Variants in SLC18A1 observed in about 807,000 individuals in gnomAD.
SLC18A1 encodes the protein chromaffin granule amine transporter.
Under a neutral mutation model 53.7 loss-of-function variants are expected in SLC18A1, and 69 were observed. The observed-to-expected ratio is 1.28, with a 90% CI of 1.06 to 1.57. The LOEUF is 1.57. Among genes scored for constraint, SLC18A1 ranks in the 40% most tolerant of loss-of-function variants. SLC18A1 has a pLI of 0.00. For synonymous variants in SLC18A1, 320 were observed against 248.1 expected, an observed-to-expected ratio of 1.29 and a Z score of -2.72; for missense variants, 932 against 668.1, an observed-to-expected ratio of 1.40 and a Z score of -4.35.
intron 8 of SLC18A1, among the ~76,000 whole-genome samples, chr8:20,170,871 C>A (rs1361449554): frequency 6.6e-6 from 1 of 151,982 alleles, no homozygotes; most frequent in African/African-American, 2.4e-5. Flanking sequence ...TCTATGGCTT[C>A]TTTGATTATG....
chr8:20,163,125 G>T (rs901121593), intron 10 of SLC18A1, among the ~76,000 whole-genome samples: 9 of 152,138 alleles, frequency 5.9e-5, no homozygotes, highest in African/African-American at 1.9e-4. Context: ...TGGCCACCTG[G>T]GGAGTGCCTG....
chr8:20,153,477 A>T lies in SLC18A1; in HGVS notation c.1016-2733T>A, dbSNP rs558655438. 1.1e-4 allele frequency among the ~76,000 whole-genome samples: 16 copies of T among 152,246 alleles called. 1 individual carries two copies. The South Asian group carries it at 3.3e-3, about 32-fold the overall frequency. On this transcript the variant is annotated intron_variant, in intron 10 of 15. Transcript: ENST00000276373. ...TGGATCACAAGGTCAGGAGATCAAG[A>T]CCATCCTAGCTAACACAGTGAAACC...
chr8:20,174,235 C>G, intron 5 of SLC18A1, 126 bp downstream of exon 5: 1 of 758,006 alleles, frequency 1.3e-6, no homozygotes, highest in Non-Finnish European at 2.3e-6. Flanking sequence ...TTCTGAATCA[C>G]AATTTCTACC....
intron 10 of SLC18A1, among the ~76,000 whole-genome samples, chr8:20,164,074 C>T (rs1370817807): frequency 1.3e-5 from 2 of 152,200 alleles, no homozygotes; most frequent in East Asian, 3.9e-4. Flanking sequence ...AGAATTGCCC[C>T]CCCAAAATTA....
rs761834698 is a variant in SLC18A1 at position 20,182,886 on chromosome 8, GAAGT to G, written c.-124+173_-124+176del. ...TGGAAAATTAAAAAACATAGTGAGTGAAGTAAGTACTACAAAGAGAGAGAAACAC... is the reference window on the plus strand; with the variant it reads ...TGGAAAATTAAAAAACATAGTGAGTGAAGTACTACAAAGAGAGAGAAACAC... On this transcript the variant is annotated intron_variant, in intron 1 of 15. Transcript: ENST00000276373. 8.5e-5 allele frequency among the ~76,000 whole-genome samples: 13 copies of G among 152,324 alleles called. No homozygotes were observed. In the East Asian group the frequency reaches 1.9e-3, roughly 23 times the overall value.
chr8:20,181,112 G>A (rs1463172066), intron 1 of SLC18A1, 25 bp from the exon 2 acceptor site: 2 of 776,344 alleles, frequency 2.6e-6, no homozygotes, highest in Non-Finnish European at 3.9e-6. Flanking sequence ...AGTGCAAAGG[G>A]TTGCAAGTAG....
In SLC18A1 at chr8:20,147,495, C is replaced by T. The variant is rs370777864; in HGVS notation, c.1331-104G>A. ...GGGCAGTGGGTGACCCAGAGGATGT[C>T]TCAGCGTCAAAGATCTCCAGAACCC... On this transcript the variant is annotated intron_variant, in intron 14 of 15. Transcript: ENST00000276373. 112 of 1,577,260 alleles carry T rather than the reference C, an allele frequency of 7.1e-5. No individual in the cohort carries two copies. In the East Asian group the frequency reaches 2.4e-3, roughly 34 times the overall value.
intron 10 of SLC18A1, among the ~76,000 whole-genome samples, chr8:20,163,287 C>T (rs1038280602): frequency 1.3e-5 from 2 of 152,178 alleles, no homozygotes; most frequent in Non-Finnish European, 2.9e-5. Context: ...CCCATGATCT[C>T]ATCATCTCTC....
At chr8:20,151,453 G>A (rs1426412209) in intron 10 of SLC18A1, among the ~76,000 whole-genome samples, 3 of 152,182 alleles carry the variant, frequency 2.0e-5, no homozygotes, top group Non-Finnish European at 4.4e-5. Flanking sequence ...TTCCTGGGAA[G>A]TGAATTCCTG....
intron 10 of SLC18A1, among the ~76,000 whole-genome samples, chr8:20,161,455 A>G (rs1480413950): frequency 6.6e-6 from 1 of 152,252 alleles, no homozygotes; most frequent in African/African-American, 2.4e-5. Flanking sequence ...AGGTGTTACA[A>G]GTCATTGAGA....
chr8:20,154,712 G>T (rs2071639495), intron 10 of SLC18A1, among the ~76,000 whole-genome samples: 2 of 152,228 alleles, frequency 1.3e-5, no homozygotes, highest in South Asian at 4.1e-4. Context: ...GGGAAATTTG[G>T]TAAGATCAAG....
intron 10 of SLC18A1, among the ~76,000 whole-genome samples, chr8:20,157,016 A>G (rs1198481483): frequency 2.0e-5 from 3 of 152,180 alleles, no homozygotes. Context: ...TGTGGTCAAG[A>G]AAGGCGGGAA....
chr8:20,157,364 G>A (rs888234318), intron 10 of SLC18A1, among the ~76,000 whole-genome samples: 1 of 152,172 alleles, frequency 6.6e-6, no homozygotes, highest in Non-Finnish European at 1.5e-5. Context: ...ATGATAGGGT[G>A]ACAACAGAGG....
chr8:20,151,177 T>C (rs1436686796), intron 10 of SLC18A1, among the ~76,000 whole-genome samples: 1 of 151,336 alleles, frequency 6.6e-6, no homozygotes, highest in Non-Finnish European at 1.5e-5. Context: ...TTTGTTTGTT[T>C]GTTTTGTAGA....
At chr8:20,176,392 C>A (rs1394675538) in intron 4 of SLC18A1, among the ~76,000 whole-genome samples, 1 of 152,158 alleles carries the variant, frequency 6.6e-6, no homozygotes, top group Non-Finnish European at 1.5e-5. Context: ...GCCTGCAGAA[C>A]CATGAGCCAA....
At chr8:20,154,127 C>G (rs78156385) in intron 10 of SLC18A1, among the ~76,000 whole-genome samples, 3,906 of 152,248 alleles carry the variant, frequency 0.026, 180 homozygotes, top group African/African-American at 0.09. Flanking sequence ...GCATGTAGAA[C>G]CATAAGCCAA....
rs1182253518 is a variant in SLC18A1 at position 20,145,300 on chromosome 8, T to G, written c.*463A>C. On this transcript the variant is annotated 3_prime_UTR_variant, in exon 16 of 16. Transcript: ENST00000276373. ...ACAATGCTGAGAACATTTTCTCAAC[T>G]CGGCTGGGAAAACCCGGGAAAGAAC... is the stretch of plus-strand genomic sequence containing the variant. The G allele has an allele frequency of 6.6e-6, 1 of 152,240 alleles. No homozygotes were observed. The highest frequency in any genetic ancestry group is 2.4e-5 in the African/African-American group (1 of 41,310). 9.4% of individuals were successfully genotyped at this position (152,240 alleles called of 1,614,324 possible). A position where few individuals can be genotyped will look rare whatever the true frequency, so the allele number is the denominator to read the frequency against.
intron 10 of SLC18A1, among the ~76,000 whole-genome samples, chr8:20,164,077 C>T (rs1393157442): frequency 1.3e-5 from 2 of 152,168 alleles, no homozygotes; most frequent in East Asian, 3.9e-4. Flanking sequence ...ATTGCCCCCC[C>T]AAAATTAGAT....
At position 20,179,388 on chromosome 8, in the gene SLC18A1, G is replaced by A. The variant is rs17215815; in HGVS notation, c.221C>T (p.Ala74Val). ...GHAGSSPHAL[A>V]SPAFSTIFSF... ...GAAGATGGTGGAAAAGGCAGGAGAG[G>A]CGAGGGCATGTGGGGAACTTCCGGC... Residue 74 changes from alanine to valine, a missense_variant, in exon 3 of 16, where the codon GCC becomes GTC. Ala to Val is a moderately conservative substitution (Grantham distance 64). Transcript: ENST00000276373. 1,345 of 1,614,186 alleles carry A rather than the reference G, an allele frequency of 8.3e-4. 26 individuals are homozygous for A. The Admixed American group carries it at 0.02, about 24-fold the overall frequency.
Sources: allele counts gnomAD v4.1 joint callset (sites outside exome capture counted in the v4.1 genomes callset), GRCh38; gene constraint gnomAD v4.1.1; transcripts MANE v1.5; gene names NCBI Gene and HGNC (gene_info 2026-07-23, HGNC 2026-07-21).